TNS1: variants seen among roughly 807,000 people sequenced by gnomAD.
TNS1 encodes the protein tensin 1, also known as tensin-1.
Under a neutral mutation model 168.6 loss-of-function variants are expected in TNS1, and 62 were observed. That is an observed-to-expected ratio of 0.37 (90% confidence interval 0.30 to 0.45). TNS1 has a LOEUF of 0.45. Ranked by LOEUF, TNS1 falls within the 20% of genes least tolerant of loss-of-function variation. TNS1 has a pLI of 1.00. For missense variants in TNS1, 2,240 were observed against 2,339.4 expected, an observed-to-expected ratio of 0.96 and a Z score of 0.88; for synonymous variants, 934 against 933.2, an observed-to-expected ratio of 1.00 and a Z score of -0.02.
At chr2:217,873,395 G>A (rs1173445786) in intron 18 of TNS1, among the ~76,000 whole-genome samples, 1 of 152,192 alleles carries the variant, frequency 6.6e-6, no homozygotes, top group Non-Finnish European at 1.5e-5. Context: ...CCTCATCTCA[G>A]TGAGTCTGCT....
intron 3 of TNS1, among the ~76,000 whole-genome samples, chr2:217,949,917 C>T (rs185355407): frequency 3.3e-4 from 50 of 152,268 alleles, no homozygotes; most frequent in Non-Finnish European, 7.4e-5. Context: ...AGAGTTCATA[C>T]AGCAAAAGGT....
intron 7 of TNS1, among the ~76,000 whole-genome samples, chr2:217,899,004 C>A (rs562857414): frequency 2.0e-5 from 3 of 152,320 alleles, no homozygotes; most frequent in Non-Finnish European, 4.4e-5. Flanking sequence ...ATTCTGCTAA[C>A]CTTTCACCAC....
intron 22 of TNS1, among the ~76,000 whole-genome samples, chr2:217,823,369 C>G (rs1943164666): frequency 6.6e-6 from 1 of 152,236 alleles, no homozygotes; most frequent in Non-Finnish European, 1.5e-5. Context: ...CTCCAGGTCC[C>G]TCATGGGTGA....
At chr2:217,926,202 C>G (rs1364929771) in intron 3 of TNS1, among the ~76,000 whole-genome samples, 6 of 152,184 alleles carry the variant, frequency 3.9e-5, no homozygotes, top group Admixed American at 6.5e-5. Context: ...TGATCTCAGC[C>G]TCTGGATTCC....
chr2:218,025,192 G>A (rs886632954), intron 1 of TNS1, among the ~76,000 whole-genome samples: 6 of 151,938 alleles, frequency 3.9e-5, no homozygotes, highest in Admixed American at 1.3e-4. Context: ...AATGCACCTC[G>A]CAGACCTTCT....
At chr2:218,010,689 G>T (rs1357518986), upstream of TNS1, among the ~76,000 whole-genome samples, 1 of 151,596 alleles carries the variant, frequency 6.6e-6, no homozygotes, top group Non-Finnish European at 1.5e-5. Context: ...CGCGGGAGCC[G>T]GGGCGGCGGC....
chr2:217,857,479 C>G (rs1441810083), intron 18 of TNS1, among the ~76,000 whole-genome samples: 2 of 152,184 alleles, frequency 1.3e-5, no homozygotes, highest in African/African-American at 4.8e-5. Context: ...TCTGTGGACC[C>G]AGAACCACAG....
intron 1 of TNS1, among the ~76,000 whole-genome samples, chr2:217,993,378 T>A (rs1384147886): frequency 6.6e-6 from 1 of 152,220 alleles, no homozygotes; most frequent in South Asian, 2.1e-4. Context: ...TCCTCCACTT[T>A]AATCAAGTGA....
At chr2:217,882,821 A>G (rs1950807584) in intron 16 of TNS1, among the ~76,000 whole-genome samples, 1 of 152,088 alleles carries the variant, frequency 6.6e-6, no homozygotes, top group East Asian at 1.9e-4. Flanking sequence ...TTTGAGACAG[A>G]ATCTTGCTCT....
chr2:217,911,526 T>G (rs1954408690), intron 4 of TNS1, among the ~76,000 whole-genome samples: 1 of 152,236 alleles, frequency 6.6e-6, no homozygotes, highest in South Asian at 2.1e-4. Flanking sequence ...AGATGCCTTT[T>G]CATAAACTTA....
Position 217,818,475 on chromosome 2 carries a change from T to C in TNS1, c.3857A>G (p.His1286Arg). 1 of 1,614,220 alleles carries C rather than the reference T, an allele frequency of 6.2e-7. No individual in the cohort carries two copies. Among genetic ancestry groups the C allele is most frequent in the Non-Finnish European group, 8.5e-7 (1 of 1,180,042 alleles). Reference sequence around the variant, plus strand: ...GGGAGTGTTGGTGCCCACTGTTCTGTGGCGCGCCTGAGGGCTCCCAGGCAC... The same window carrying C: ...GGGAGTGTTGGTGCCCACTGTTCTGCGGCGCGCCTGAGGGCTCCCAGGCAC... ...HTVPGSPQAR[H>R]RTVGTNTPPS... The change falls in exon 24 of 33, where the codon CAC becomes CGC. Residue 1286 changes from histidine (H) to arginine (R), a missense_variant. This residue lies in a region of TNS1 where 2,131 missense variants were observed against 2,171.2 expected (regional missense o/e 0.98). Coordinates refer to ENST00000682258, the MANE Select transcript of TNS1 (RefSeq NM_001387777.1).
rs374445594 is a variant in TNS1 at position 217,814,983 on chromosome 2, G to A, written c.4658C>T (p.Thr1553Met). 200 of 1,612,536 alleles carry A rather than the reference G, an allele frequency of 1.2e-4. No homozygotes were observed. The highest frequency in any genetic ancestry group is 1.6e-4 in the Non-Finnish European group (191 of 1,179,356). The part of the protein sequence containing the change: ...KYSMPDNSPE[T>M]RAKVKFVQDT... ...CTGGACAAACTTCACTTTAGCCCGC[G>A]TCTCCGGGCTGTTGTCTAAAGCAGG... The change falls in exon 25 of 33, where the codon ACG becomes ATG. Residue 1553 changes from threonine (T) to methionine (M), a missense_variant. By Grantham distance (81) the Thr-to-Met change is moderately conservative. Coordinates refer to ENST00000682258, the MANE Select transcript of TNS1 (RefSeq NM_001387777.1).
intron 16 of TNS1, among the ~76,000 whole-genome samples, chr2:217,883,163 C>T (rs1950845853): frequency 6.6e-6 from 1 of 152,180 alleles, no homozygotes; most frequent in African/African-American, 2.4e-5. Flanking sequence ...TTCACTTATA[C>T]TACTACCCCT....
intron 4 of TNS1, among the ~76,000 whole-genome samples, chr2:217,918,940 G>C (rs1037541863): frequency 6.6e-6 from 1 of 152,150 alleles, no homozygotes; most frequent in African/African-American, 2.4e-5. Flanking sequence ...AGGCCCGGGA[G>C]AGCCTGGCCC....
chr2:218,003,084 C>T (rs1352665220), upstream of TNS1: 2 of 385,820 alleles, frequency 5.2e-6, no homozygotes, highest in African/African-American at 2.1e-5. Flanking sequence ...CTCCTCTCTC[C>T]TCCCTCCTCC....
intron 18 of TNS1, among the ~76,000 whole-genome samples, chr2:217,861,185 T>G (rs1357147909): frequency 1.3e-5 from 2 of 152,128 alleles, no homozygotes. Flanking sequence ...TAGCTCAACA[T>G]AGGAAAAAAC....
intron 19 of TNS1, among the ~76,000 whole-genome samples, chr2:217,838,970 T>C (rs1369047034): frequency 2.0e-5 from 3 of 151,524 alleles, no homozygotes; most frequent in Non-Finnish European, 4.4e-5. Context: ...TCTCAGTCTT[T>C]GGCCCCATTC....
At chr2:217,941,988 A>G (rs1359005332) in intron 3 of TNS1, among the ~76,000 whole-genome samples, 6 of 152,156 alleles carry the variant, frequency 3.9e-5, no homozygotes, top group African/African-American at 1.4e-4. Context: ...TTGGTCTGCA[A>G]AACAATAACA....
At chr2:217,969,423 T>C (rs982776543) in intron 3 of TNS1, among the ~76,000 whole-genome samples, 2 of 151,830 alleles carry the variant, frequency 1.3e-5, no homozygotes, top group Non-Finnish European at 2.9e-5. Context: ...AATTCTTAGA[T>C]ATGAAAGCAA....
Sources: allele counts gnomAD v4.1 joint callset (sites outside exome capture counted in the v4.1 genomes callset), GRCh38; gene constraint gnomAD v4.1.1; regional missense constraint gnomAD v4.1.1; transcripts MANE v1.5; gene names NCBI Gene and HGNC (gene_info 2026-07-23, HGNC 2026-07-21).